The following PLXDC2 variants were observed in gnomAD, a reference collection of about 807,000 sequenced individuals.
PLXDC2 encodes plexin domain containing 2.
PLXDC2 carries 40 observed loss-of-function variants against 68.9 expected under a neutral mutation model. The ratio of observed to expected loss-of-function variants is 0.58; its 90% confidence interval spans 0.45 to 0.76. PLXDC2 has a LOEUF of 0.76. PLXDC2 is among the 30% of genes least tolerant of loss of function. PLXDC2 has a pLI of 0.00. For missense variants in PLXDC2, 644 were observed against 661.9 expected (o/e 0.97, Z 0.30); for synonymous variants, 243 against 234.2 (o/e 1.04, Z -0.34).
intron 4 of PLXDC2, among the ~76,000 whole-genome samples, chr10:20,086,920 C>A (rs79105834): frequency 6.6e-6 from 1 of 152,248 alleles, no homozygotes; most frequent in East Asian, 1.9e-4. Flanking sequence ...TAAAGCCTAC[C>A]ATATAGAGCC....
intron 4 of PLXDC2, among the ~76,000 whole-genome samples, chr10:20,102,800 A>C (rs555899153): frequency 6.6e-6 from 1 of 152,320 alleles, no homozygotes; most frequent in Non-Finnish European, 1.5e-5. Context: ...CTAGAGGAAA[A>C]ATGGCGGCTG....
intron 4 of PLXDC2, among the ~76,000 whole-genome samples, chr10:20,132,746 G>A (rs914576781): frequency 8.7e-5 from 12 of 137,206 alleles, no homozygotes; most frequent in African/African-American, 3.3e-4. Flanking sequence ...TAAGTCTTTT[G>A]TAAAGAACAT....
chr10:20,187,977 A>G (rs2131836039), intron 9 of PLXDC2, among the ~76,000 whole-genome samples: 1 of 151,940 alleles, frequency 6.6e-6, no homozygotes, highest in South Asian at 2.1e-4. Context: ...CTGTTAATCT[A>G]AAGTTCTTTT....
At chr10:19,856,365 AACACACACACACAGAC>A (rs886782472) in intron 1 of PLXDC2, among the ~76,000 whole-genome samples, 6 of 132,036 alleles carry the variant, frequency 4.5e-5, no homozygotes, top group African/African-American at 1.8e-4. Flanking sequence ...TACACACACA[AACACACACACACAGAC>A]ACACACACAC....
intron 4 of PLXDC2, among the ~76,000 whole-genome samples, chr10:20,125,933 C>CAT (rs3048906): frequency 4.4e-4 from 65 of 146,536 alleles, no homozygotes; most frequent in South Asian, 4.3e-3. Context: ...GAGAAATGAA[C>CAT]ATATATATAT....
chr10:19,874,156 A>G (rs954332239), intron 1 of PLXDC2, among the ~76,000 whole-genome samples: 3 of 152,234 alleles, frequency 2.0e-5, no homozygotes, highest in Non-Finnish European at 4.4e-5. Flanking sequence ...ACTCCTGCCA[A>G]TGAAATCAGC....
chr10:19,982,964 A>G (rs1052408918), intron 1 of PLXDC2, among the ~76,000 whole-genome samples: 1 of 152,200 alleles, frequency 6.6e-6, no homozygotes, highest in Non-Finnish European at 1.5e-5. Flanking sequence ...TTAAAATTTC[A>G]TTTTAGTACT....
At chr10:20,052,658 G>A (rs1835923184) in intron 3 of PLXDC2, among the ~76,000 whole-genome samples, 1 of 135,342 alleles carries the variant, frequency 7.4e-6, no homozygotes, top group Non-Finnish European at 1.5e-5. Context: ...GGAGTTTCTC[G>A]AATCTTATCA....
chr10:19,855,793 G>A (rs1277320614), intron 1 of PLXDC2, among the ~76,000 whole-genome samples: 1 of 152,096 alleles, frequency 6.6e-6, no homozygotes, highest in Non-Finnish European at 1.5e-5. Context: ...TTCAAAAATT[G>A]TGTGCCATTA....
chr10:19,964,435 T>G (rs766742894), intron 1 of PLXDC2, among the ~76,000 whole-genome samples: 15 of 152,196 alleles, frequency 9.9e-5, no homozygotes, highest in Non-Finnish European at 1.6e-4. Context: ...CTGCATAATA[T>G]ACTAAATAGC....
At chr10:20,158,063 T>G (rs1240728308) in intron 6 of PLXDC2, among the ~76,000 whole-genome samples, 1 of 152,000 alleles carries the variant, frequency 6.6e-6, no homozygotes, top group Admixed American at 6.6e-5. Context: ...AGCTACATTG[T>G]TTAAAAAAAA....
At chr10:20,192,517 G>A (rs1029915733) in intron 9 of PLXDC2, among the ~76,000 whole-genome samples, 1 of 152,014 alleles carries the variant, frequency 6.6e-6, no homozygotes, top group African/African-American at 2.4e-5. Flanking sequence ...ATGACAAAAT[G>A]ATTTCTGAAT....
chr10:19,960,117 G>T (rs929906952), intron 1 of PLXDC2, among the ~76,000 whole-genome samples: 3 of 149,204 alleles, frequency 2.0e-5, no homozygotes, highest in African/African-American at 7.4e-5. Flanking sequence ...CAGTGCTTTG[G>T]GGGGCTGAGG....
chr10:20,222,018 A>G (rs1835218981), intron 12 of PLXDC2, among the ~76,000 whole-genome samples: 1 of 152,198 alleles, frequency 6.6e-6, no homozygotes, highest in East Asian at 1.9e-4. Context: ...TGTTACAGTA[A>G]TAAAGCAGAT....
intron 4 of PLXDC2, among the ~76,000 whole-genome samples, chr10:20,068,716 TC>T (rs751844661): frequency 1.3e-5 from 2 of 150,996 alleles, no homozygotes; most frequent in Non-Finnish European, 3.0e-5. Flanking sequence ...TCATTTTTTT[TC>T]CTTGAGTGTT....
At chr10:19,824,089 T>C (rs1836529395) in intron 1 of PLXDC2, among the ~76,000 whole-genome samples, 1 of 152,172 alleles carries the variant, frequency 6.6e-6, no homozygotes, top group Admixed American at 6.5e-5. Context: ...CATTTCACGG[T>C]GTCTGCTCCC....
At chr10:20,265,436 A>G (rs888339794) in intron 13 of PLXDC2, among the ~76,000 whole-genome samples, 3 of 152,308 alleles carry the variant, frequency 2.0e-5, no homozygotes, top group East Asian at 1.9e-4. Context: ...GGCAACAAAC[A>G]TTTTGGAAAT....
At chr10:20,167,783 G>A (rs927411772) in intron 7 of PLXDC2, among the ~76,000 whole-genome samples, 2 of 152,118 alleles carry the variant, frequency 1.3e-5, no homozygotes, top group African/African-American at 4.8e-5. Flanking sequence ...CTGGAAAATA[G>A]TATTTCCCAG....
chr10:20,093,499 T>C (rs1043763096), intron 4 of PLXDC2, among the ~76,000 whole-genome samples: 1 of 152,176 alleles, frequency 6.6e-6, no homozygotes. Flanking sequence ...GTAGTCATGA[T>C]AGCAGCAGTC....
Sources: allele counts gnomAD v4.1 joint callset (sites outside exome capture counted in the v4.1 genomes callset), GRCh38; gene constraint gnomAD v4.1.1; transcripts MANE v1.5; gene names NCBI Gene and HGNC (gene_info 2026-07-23, HGNC 2026-07-21).